Variants in SPTBN1 observed in about 807,000 individuals in gnomAD.
SPTBN1 encodes the protein spectrin beta, non-erythrocytic 1, also known as spectrin beta chain, non-erythrocytic 1.
Under a neutral mutation model 266.4 loss-of-function variants are expected in SPTBN1, and 32 were observed. The observed-to-expected ratio is 0.12, with a 90% confidence interval of 0.09 to 0.16. The LOEUF (loss-of-function observed/expected upper bound fraction) is 0.16, where lower values mean the gene tolerates loss of function less well. SPTBN1 is among the 10% of genes least tolerant of loss of function. SPTBN1 has a pLI of 1.00. For synonymous variants in SPTBN1, 1,336 were observed against 1,162.2 expected (o/e 1.15, Z -3.04); for missense variants, 2,296 against 3,067.1 (o/e 0.75, Z 5.94).
chr2:54,573,550 C>G (rs752286028), intron 2 of SPTBN1, among the ~76,000 whole-genome samples: 1 of 152,166 alleles, frequency 6.6e-6, no homozygotes, highest in African/African-American at 2.4e-5. Flanking sequence ...GGGTTGGGGA[C>G]CCCTGACTCG....
At chr2:54,562,444 C>T (rs1363963291) in intron 2 of SPTBN1, among the ~76,000 whole-genome samples, 2 of 152,082 alleles carry the variant, frequency 1.3e-5, no homozygotes, top group African/African-American at 4.8e-5. Flanking sequence ...AAAACCCATC[C>T]CTGGGTTTCA....
intron 34 of SPTBN1, 81 bp downstream of exon 34, chr2:54,666,169 G>A: frequency 1.4e-6 from 2 of 1,396,458 alleles, no homozygotes; most frequent in Non-Finnish European, 2.0e-6. Context: ...TTATACAGCT[G>A]CTGTGATTAG....
intron 1 of SPTBN1, among the ~76,000 whole-genome samples, chr2:54,494,487 A>G (rs1668861173): frequency 6.6e-6 from 1 of 152,230 alleles, no homozygotes; most frequent in African/African-American, 2.4e-5. Flanking sequence ...ACTGGAAACA[A>G]CCTACATGTC....
At chr2:54,569,977 C>CT (rs1008018235) in intron 2 of SPTBN1, among the ~76,000 whole-genome samples, 3 of 149,008 alleles carry the variant, frequency 2.0e-5, no homozygotes, top group South Asian at 2.2e-4. Context: ...CCATTCCCCC[C>CT]CCCCTTTAGA....
Position 54,622,391 on chromosome 2 carries a change from T to G in SPTBN1, c.968T>G (p.Ile323Ser), listed in dbSNP as rs1424416975. ...CTGGAATGGATTGAACAAACCATCATCATTCTGAACAATCGCAAATTTGCC... is the reference window on the plus strand; with the variant it reads ...CTGGAATGGATTGAACAAACCATCAGCATTCTGAACAATCGCAAATTTGCC... Reference protein sequence around the residue: ...DLLEWIEQTIIILNNRKFANS... With the variant: ...DLLEWIEQTISILNNRKFANS... Residue 323 changes from isoleucine (I) to serine (S), a missense_variant, in exon 9 of 36, where the codon ATC becomes AGC. Ile to Ser is a moderately radical substitution (Grantham distance 142, BLOSUM62 -2). This residue lies in a region of SPTBN1 where 148 missense variants were observed against 203.8 expected (regional missense o/e 0.73). Transcript: ENST00000356805. 6.2e-7 allele frequency: 1 copy of G among 1,614,232 alleles called. No individual in the cohort carries two copies. The highest frequency in any genetic ancestry group is 8.5e-7 in the Non-Finnish European group (1 of 1,180,042).
intron 1 of SPTBN1, among the ~76,000 whole-genome samples, chr2:54,523,932 G>T (rs1670641625): frequency 6.6e-6 from 1 of 152,236 alleles, no homozygotes; most frequent in Non-Finnish European, 1.5e-5. Flanking sequence ...GGGCATGGTG[G>T]CTCACGCCTG....
chr2:54,552,416 G>A (rs1278341857), intron 2 of SPTBN1, among the ~76,000 whole-genome samples: 1 of 151,768 alleles, frequency 6.6e-6, no homozygotes, highest in Non-Finnish European at 1.5e-5. Context: ...AGAGAACCAA[G>A]GTTAAAAATT....
intron 26 of SPTBN1, among the ~76,000 whole-genome samples, chr2:54,651,679 G>T (rs754395050): frequency 6.6e-6 from 1 of 152,110 alleles, no homozygotes; most frequent in Non-Finnish European, 1.5e-5. Flanking sequence ...ATTTTATTGC[G>T]AGCAAATTGA....
intron 4 of SPTBN1, among the ~76,000 whole-genome samples, chr2:54,614,820 G>A (rs1677487190): frequency 6.6e-6 from 1 of 151,870 alleles, no homozygotes; most frequent in Non-Finnish European, 1.5e-5. Context: ...AGTAAAAGAT[G>A]GTGAGAAACT....
chr2:54,667,844 C>T (rs184320699), intron 35 of SPTBN1, among the ~76,000 whole-genome samples, 198 bp downstream of exon 35: 11 of 152,158 alleles, frequency 7.2e-5, no homozygotes, highest in African/African-American at 2.2e-4. Context: ...GTCCCTTTGC[C>T]GAGGCAGGAT....
At chr2:54,544,859 G>A (rs963757439) in intron 2 of SPTBN1, among the ~76,000 whole-genome samples, 1 of 152,076 alleles carries the variant, frequency 6.6e-6, no homozygotes, top group Non-Finnish European at 1.5e-5. Context: ...CATGTGCCAT[G>A]TTGGTTTGCT....
At position 54,645,223 on chromosome 2, in the gene SPTBN1, C is replaced by T. The variant is rs768808670; in HGVS notation, c.4270-6C>T. ...CTGAGCGCTGAGGCTGCTTCTCTGC[C>T]CTCAGATGCTGGAGAATCAGATGGA... On this transcript the variant is annotated splice_region_variant and splice_polypyrimidine_tract_variant and intron_variant, in intron 20 of 35. Transcript: ENST00000356805. This position sits in a 1 kb window ranked among gnomAD's most constrained non-coding sequence, Gnocchi z 4.3. 6.2e-7 allele frequency: 1 copy of T among 1,613,960 alleles called. No homozygotes were observed. Among genetic ancestry groups the T allele is most frequent in the South Asian group, 1.1e-5 (1 of 91,054 alleles).
At chr2:54,572,685 T>C (rs1051237373) in intron 2 of SPTBN1, among the ~76,000 whole-genome samples, 13 of 152,212 alleles carry the variant, frequency 8.5e-5, no homozygotes, top group Non-Finnish European at 1.6e-4. Context: ...AATATACATA[T>C]ATGATTTCAA....
In SPTBN1 at chr2:54,645,207, G is replaced by A. The variant is rs1415290255; in HGVS notation, c.4270-22G>A. On this transcript the variant is annotated intron_variant, in intron 20 of 35. Coordinates refer to ENST00000356805, the MANE Select transcript of SPTBN1 (RefSeq NM_003128.3). The surrounding 1 kb of genome is among the most constrained non-coding windows in gnomAD (Gnocchi z 4.3). ...CAAAAGATAGTCTGTGCTGAGCGCT[G>A]AGGCTGCTTCTCTGCCCTCAGATGC... The A allele has an allele frequency of 3.3e-5, 53 of 1,613,474 alleles. No individual in the cohort carries two copies. Among genetic ancestry groups the A allele is most frequent in the Middle Eastern group, 1.6e-4 (1 of 6,074 alleles).
At chr2:54,542,773 G>A (rs1486302239) in intron 2 of SPTBN1, among the ~76,000 whole-genome samples, 3 of 152,140 alleles carry the variant, frequency 2.0e-5, no homozygotes, top group Non-Finnish European at 2.9e-5. Context: ...CCTAGGACAT[G>A]CTCTCCAAGG....
rs1401292006 is a variant in SPTBN1 at position 54,657,971 on chromosome 2, C to A, written c.6168C>A (p.Ile2056=). ...GCGTGGACGAGGTGGAGAAGCTCAT[C>A]AAGCGCCACGAGGCATTTGAAAAGT... is the stretch of plus-strand genomic sequence containing the variant. ...GQSVDEVEKL[I]KRHEAFEKSA... Residue 2056 remains isoleucine (I), a synonymous_variant, in exon 30 of 36, where the codon ATC becomes ATA. Transcript: ENST00000356805. 2 of 1,614,264 alleles carry A rather than the reference C, an allele frequency of 1.2e-6. No homozygotes were observed. The highest frequency in any genetic ancestry group is 1.7e-6 in the Non-Finnish European group (2 of 1,180,046).
chr2:54,609,682 G>A (rs1377747295), intron 3 of SPTBN1, among the ~76,000 whole-genome samples: 1 of 152,136 alleles, frequency 6.6e-6, no homozygotes, highest in Non-Finnish European at 1.5e-5. Flanking sequence ...AGTGCCTTCA[G>A]TGTTGAACTC....
chr2:54,528,946 G>A (rs1671017471), intron 2 of SPTBN1, among the ~76,000 whole-genome samples: 1 of 152,154 alleles, frequency 6.6e-6, no homozygotes, highest in Admixed American at 6.5e-5. Flanking sequence ...AGGTAATGAA[G>A]GAAATTATCT....
chr2:54,609,860 G>T (rs1488805681), intron 3 of SPTBN1, among the ~76,000 whole-genome samples: 1 of 151,744 alleles, frequency 6.6e-6, no homozygotes, highest in African/African-American at 2.4e-5. Context: ...AAGACTGGCA[G>T]CTGGTATTTA....
Sources: allele counts gnomAD v4.1 joint callset (sites outside exome capture counted in the v4.1 genomes callset), GRCh38; gene constraint gnomAD v4.1.1; regional missense constraint gnomAD v4.1.1; non-coding constraint Gnocchi (gnomAD v3.1); transcripts MANE v1.5; gene names NCBI Gene and HGNC (gene_info 2026-07-23, HGNC 2026-07-21).